Variants in DAB1 observed in about 807,000 individuals in gnomAD.
The protein encoded by DAB1 is disabled homolog 1.
DAB1 carries 15 observed loss-of-function variants against 64.6 expected under a neutral mutation model. The observed-to-expected ratio is 0.23, with a 90% CI of 0.16 to 0.36. The LOEUF (loss-of-function observed/expected upper bound fraction) is 0.36, where lower values mean the gene tolerates loss of function less well. DAB1 is among the 10% of genes least tolerant of loss of function. DAB1 has a pLI of 1.00. For synonymous variants in DAB1, 235 were observed against 251.9 expected, an observed-to-expected ratio of 0.93 and a Z score of 0.64; for missense variants, 596 against 706.7, an observed-to-expected ratio of 0.84 and a Z score of 1.78.
At chr1:57,685,054 G>A (rs1025797518) in intron 6 of DAB1, among the ~76,000 whole-genome samples, 1 of 151,796 alleles carries the variant, frequency 6.6e-6, no homozygotes, top group Non-Finnish European at 1.5e-5. Context: ...CCAGGTTCAA[G>A]TGATTCTTCT....
chr1:57,325,087 T>G (rs1676046029), intron 1 of DAB1, among the ~76,000 whole-genome samples: 1 of 152,228 alleles, frequency 6.6e-6, no homozygotes. Context: ...TCTTCTTTGA[T>G]TTTTGCTTTT....
chr1:57,057,859 T>C (rs12083783), intron 9 of DAB1, among the ~76,000 whole-genome samples: 5,270 of 152,092 alleles, frequency 0.035, 310 homozygotes, highest in African/African-American at 0.12. Flanking sequence ...CCGCCCGCCT[T>C]GGCCTCCCAA....
Position 57,637,696 on chromosome 1 carries a change from G to C in DAB1, n.625+11896C>G, listed in dbSNP as rs115140366. ...CATGAATCAACTTCAATCTTGGACA[G>C]GAGGTAGAATGTAAGAGGGCATTAA... On this transcript the variant is annotated intron_variant and non_coding_transcript_variant, in intron 7 of 20. Coordinates refer to the DAB1 transcript ENST00000485760. Among the ~76,000 whole-genome samples the C allele has an allele frequency of 8.3e-3, 1,262 of 152,296 alleles. 17 individuals carry two copies. The highest frequency in any genetic ancestry group is 0.029 in the African/African-American group (1,215 of 41,548).
At chr1:57,645,118 AG>A (rs1184974628) in intron 7 of DAB1, among the ~76,000 whole-genome samples, 1 of 152,180 alleles carries the variant, frequency 6.6e-6, no homozygotes, top group Non-Finnish European at 1.5e-5. Context: ...TGTGAGTTAC[AG>A]GATGGCTGCC....
At chr1:57,851,869 C>T (rs1653539736) in intron 1 of DAB1, among the ~76,000 whole-genome samples, 1 of 152,110 alleles carries the variant, frequency 6.6e-6, no homozygotes, top group Non-Finnish European at 1.5e-5. Flanking sequence ...ATGCATTTTG[C>T]CCTGTCATTC....
intron 1 of DAB1, chr1:58,533,898 C>T: frequency 1.2e-6 from 1 of 834,582 alleles, no homozygotes. Context: ...AAAGATTTAA[C>T]TTGTTAACTT....
At chr1:57,225,597 C>T (rs577652066) in intron 2 of DAB1, among the ~76,000 whole-genome samples, 18 of 152,126 alleles carry the variant, frequency 1.2e-4, no homozygotes, top group African/African-American at 3.6e-4. Flanking sequence ...TCACGGTGTA[C>T]GGTAAGAGAT....
chr1:57,343,857 A>G (rs564903017), intron 1 of DAB1, among the ~76,000 whole-genome samples: 112 of 152,366 alleles, frequency 7.4e-4, no homozygotes, highest in African/African-American at 2.6e-3. Flanking sequence ...CGGCTCCCAC[A>G]GTGCATCAGC....
intron 9 of DAB1, chr1:57,033,316 G>C: frequency 6.7e-7 from 1 of 1,494,138 alleles, no homozygotes. Context: ...ATGCAAGCTG[G>C]ATGAAGAGAA....
At chr1:57,733,769 T>C (rs926515718) in intron 6 of DAB1, among the ~76,000 whole-genome samples, 7 of 151,220 alleles carry the variant, frequency 4.6e-5, no homozygotes, top group African/African-American at 1.2e-4. Context: ...GGCAGAGAGA[T>C]TGAGAAAGAG....
intron 5 of DAB1, among the ~76,000 whole-genome samples, chr1:58,132,276 T>C (rs1447640790): frequency 6.6e-6 from 1 of 152,156 alleles, no homozygotes; most frequent in Admixed American, 6.5e-5. Flanking sequence ...CCCTGACCCC[T>C]TGCGCTTCCC....
chr1:58,056,729 G>C (rs570686962), intron 5 of DAB1, among the ~76,000 whole-genome samples: 3 of 152,224 alleles, frequency 2.0e-5, no homozygotes, highest in Admixed American at 2.0e-4. Context: ...TTGTCCTCCG[G>C]TTGAGGTAAG....
intron 6 of DAB1, among the ~76,000 whole-genome samples, chr1:57,711,843 A>G (rs1647033041): frequency 1.3e-5 from 2 of 152,246 alleles, no homozygotes; most frequent in African/African-American, 2.4e-5. Context: ...GAAACAGAAG[A>G]AAAACAAAGG....
chr1:57,270,180 A>T (rs1007173561), intron 2 of DAB1, among the ~76,000 whole-genome samples: 4 of 152,164 alleles, frequency 2.6e-5, no homozygotes, highest in Non-Finnish European at 5.9e-5. Context: ...TTACTGTCTG[A>T]GCCTTCCAAG....
At chr1:57,428,841 C>CA (rs55678877), upstream of DAB1, among the ~76,000 whole-genome samples, 11,153 of 69,432 alleles carry the variant, frequency 0.16, 618 homozygotes, top group Non-Finnish European at 0.25. Flanking sequence ...TTGTCTTTTA[C>CA]AAAAAAAAAA....
intron 1 of DAB1, among the ~76,000 whole-genome samples, chr1:57,332,668 A>C (rs1332817641): frequency 6.6e-6 from 1 of 152,180 alleles, no homozygotes; most frequent in African/African-American, 2.4e-5. Context: ...GAAAGTCTCC[A>C]GATTTGATAT....
intron 5 of DAB1, among the ~76,000 whole-genome samples, chr1:58,119,229 T>TGC (rs1652587836): frequency 7.8e-6 from 1 of 127,826 alleles, no homozygotes; most frequent in African/African-American, 3.1e-5. Flanking sequence ...TGTGTGCGTG[T>TGC]GTGTGTGTGT....
intron 4 of DAB1, among the ~76,000 whole-genome samples, chr1:58,182,486 G>T (rs760277013): frequency 5.3e-5 from 8 of 151,406 alleles, no homozygotes; most frequent in Non-Finnish European, 1.2e-4. Flanking sequence ...TTCTCTATTT[G>T]TTTTCTGTTC....
chr1:57,118,683 T>A (rs750314562), intron 4 of DAB1, among the ~76,000 whole-genome samples: 21 of 152,142 alleles, frequency 1.4e-4, no homozygotes, highest in Admixed American at 1.3e-3. Context: ...CTATGACTGG[T>A]TTTTTTATTT....
Sources: allele counts gnomAD v4.1 joint callset (sites outside exome capture counted in the v4.1 genomes callset), GRCh38; gene constraint gnomAD v4.1.1; transcripts MANE v1.5; gene names NCBI Gene and HGNC (gene_info 2026-07-23, HGNC 2026-07-21).